The following SCEL variants were observed in gnomAD, a reference collection of about 807,000 sequenced individuals.
The protein encoded by SCEL is sciellin.
In SCEL, 113 loss-of-function variants were observed where a neutral mutation model predicts 117.6. The ratio of observed to expected loss-of-function variants is 0.96; its 90% CI spans 0.83 to 1.12. SCEL has a LOEUF of 1.12. Among genes scored for constraint, SCEL ranks in the 50% most tolerant of loss-of-function variants. SCEL has a pLI of 0.00. For missense variants in SCEL, 785 were observed against 810.8 expected (o/e 0.97, Z 0.39); for synonymous variants, 270 against 256.2 (o/e 1.05, Z -0.51).
At position 77,617,763 on chromosome 13, in the gene SCEL, T is replaced by G. The variant is rs2089163278; in HGVS notation, c.1512-40T>G. The G allele has an allele frequency of 2.6e-6, 4 of 1,556,804 alleles. No homozygotes were observed. In the East Asian group the frequency reaches 9.0e-5, roughly 35 times the overall value. ...CCTTAATGATATTACCAAAAGAACT[T>G]CAAAATTAACCTGCTCTCATTTTAT... is the stretch of plus-strand genomic sequence containing the variant. On this transcript the variant is annotated intron_variant, in intron 25 of 32. Transcript: ENST00000349847.
intron 1 of SCEL, among the ~76,000 whole-genome samples, chr13:77,541,158 A>G (rs2083680385): frequency 6.6e-6 from 1 of 152,188 alleles, no homozygotes; most frequent in Admixed American, 6.5e-5. Flanking sequence ...ACTAGTAAAG[A>G]TGAATGTTCC....
At chr13:77,602,342 T>TC (rs1190416359) in intron 16 of SCEL, 1 of 503,052 alleles carries the variant, frequency 2.0e-6, no homozygotes, top group African/African-American at 1.9e-5. Context: ...TGCTACATAA[T>TC]CTCTTATTCC....
rs1327013115 is a variant in SCEL, at chr13:77,569,422, T to G, written c.450T>G (p.Thr150=). ...NANTSNTIAS[T]SATTPVKKKR... ...ACACCTCCAACACCATAGCATCCAC[T>G]TCTGCTACTACTCCTGTAAAGAAGA... The change falls in exon 8 of 33, where the codon ACT becomes ACG. Residue 150 remains threonine (T), a synonymous_variant. Transcript: ENST00000349847. 1.9e-6 allele frequency: 3 copies of G among 1,613,750 alleles called. No homozygotes were observed. The African/African-American group carries it at 4.0e-5, about 22-fold the overall frequency.
chr13:77,628,577 A>G lies in SCEL; in HGVS notation c.1691+568A>G, dbSNP rs183081354. Among the ~76,000 whole-genome samples the G allele has an allele frequency of 1.3e-3, 199 of 152,266 alleles. 1 individual carries two copies. Among genetic ancestry groups the G allele is most frequent in the Non-Finnish European group, 1.3e-3 (89 of 67,980 alleles). On this transcript the variant is annotated intron_variant, in intron 28 of 32. Transcript: ENST00000349847. Reference sequence around the variant, plus strand: ...ACAGGAGCTATACTTCATTTTTGTCACAGACTGTATACTTCAGGAAAAATT... The same window carrying G: ...ACAGGAGCTATACTTCATTTTTGTCGCAGACTGTATACTTCAGGAAAAATT...
Position 77,640,786 on chromosome 13 carries a change from T to A in SCEL, c.1947+2T>A. On this transcript the variant is annotated splice_donor_variant, in intron 31 of 32. Transcript: ENST00000349847. LOFTEE classifies it high-confidence loss of function. ...TGCTGCCATTCTACTTGCTTTAAGG[T>A]AAGGATGTGTTTATTTCACTTAATT... The A allele has an allele frequency of 7.2e-7, 1 of 1,397,148 alleles. No homozygotes were observed. The highest frequency in any genetic ancestry group is 1.0e-6 in the Non-Finnish European group (1 of 991,882). 86.5% of individuals were successfully genotyped at this position (1,397,148 alleles called of 1,614,324 possible).
intron 19 of SCEL, chr13:77,606,617 T>A (rs891909811): frequency 6.6e-6 from 1 of 152,200 alleles, no homozygotes; most frequent in Non-Finnish European, 1.5e-5. Context: ...AGTGATTGCT[T>A]CTGTGGGGCT....
Position 77,593,295 on chromosome 13 carries a change from T to TGTGC in SCEL, c.693-217_693-216insGCGT, listed in dbSNP as rs796907419. On this transcript the variant is annotated intron_variant, in intron 11 of 32. Transcript: ENST00000349847. ...GTGTGTGTGTGTGTGTGTGTGTGTG[T>TGTGC]GTCTGTGTGTGTGTGTGTGTGTGTC... 8.1e-4 allele frequency among the ~76,000 whole-genome samples: 111 copies of TGTGC among 136,882 alleles called. 4 individuals are homozygous for TGTGC. Among genetic ancestry groups the TGTGC allele is most frequent in the African/African-American group, 2.2e-3 (80 of 35,884 alleles). The allele number at this position is 136,882 out of a possible 152,430, so 89.8% of individuals were successfully genotyped here.
At chr13:77,612,570 G>A (rs529886505) in intron 22 of SCEL, among the ~76,000 whole-genome samples, 19 of 143,234 alleles carry the variant, frequency 1.3e-4, no homozygotes, top group African/African-American at 3.9e-4. Context: ...ATTTTCTCTC[G>A]TGCATTGTAA....
intron 1 of SCEL, among the ~76,000 whole-genome samples, chr13:77,544,403 A>G (rs949883830): frequency 1.3e-5 from 2 of 152,222 alleles, no homozygotes; most frequent in East Asian, 1.9e-4. Flanking sequence ...GCCAAGAGGC[A>G]TTATGTCCTT....
intron 11 of SCEL, among the ~76,000 whole-genome samples, chr13:77,593,259 A>G (rs868413688): frequency 4.5e-5 from 5 of 111,162 alleles, no homozygotes; most frequent in African/African-American, 1.7e-4. Context: ...AACAGAGGGG[A>G]GTGTGTGTGT....
chr13:77,643,687 G>A (rs1486366891), intron 32 of SCEL, among the ~76,000 whole-genome samples: 1 of 152,012 alleles, frequency 6.6e-6, no homozygotes, highest in Non-Finnish European at 1.5e-5. Flanking sequence ...TGAGCTACTG[G>A]GAGACTACAT....
intron 25 of SCEL, 72 bp from the exon 26 acceptor site, chr13:77,617,731 T>C (rs2089159762): frequency 6.1e-6 from 9 of 1,478,406 alleles, no homozygotes; most frequent in South Asian, 1.2e-5. Flanking sequence ...TTCAAGCAGA[T>C]TTATAACCTT....
chr13:77,620,764 C>A (rs2089365727), intron 27 of SCEL, among the ~76,000 whole-genome samples: 3 of 149,954 alleles, frequency 2.0e-5, no homozygotes, highest in African/African-American at 7.4e-5. Flanking sequence ...ACACCAAGGC[C>A]TTTATAGTTA....
At chr13:77,607,959 C>G (rs552404636) in intron 19 of SCEL, 97 bp from the exon 20 acceptor site, 24 of 931,682 alleles carry the variant, frequency 2.6e-5, no homozygotes, top group Non-Finnish European at 3.3e-6. Context: ...AGTGTTTACA[C>G]TGCTTCTGAG....
intron 32 of SCEL, 26 bp downstream of exon 32, chr13:77,642,834 A>G (rs970788781): frequency 7.6e-7 from 1 of 1,321,704 alleles, no homozygotes; most frequent in Non-Finnish European, 1.1e-6. Context: ...TAAGCATTTA[A>G]CACTTTGGTT....
Position 77,572,174 on chromosome 13 carries a change from C to G in SCEL, c.530C>G (p.Thr177Arg), listed in dbSNP as rs563827332. The part of the protein sequence containing the change: ...PPPGYNASSS[T>R]GTRRREPGVH... ...CCAGGTTACAATGCCTCCTCGAGCA[C>G]AGGAACCAGGAGACGGTAAGGGAAA... The change falls in exon 9 of 33, where the codon ACA (threonine) becomes AGA (arginine). Residue 177 changes from threonine (T) to arginine (R), a missense_variant. Thr to Arg is a moderately conservative substitution (Grantham distance 71). Transcript: ENST00000349847. 188 of 1,611,404 alleles carry G rather than the reference C, an allele frequency of 1.2e-4. 4 individuals carry two copies. The South Asian group carries it at 2.0e-3, about 17-fold the overall frequency.
At chr13:77,559,737 C>G (rs2084866990) in intron 3 of SCEL, 67 bp from the exon 4 acceptor site, 4 of 1,429,188 alleles carry the variant, frequency 2.8e-6, no homozygotes, top group Admixed American at 1.8e-5. Context: ...GCATGTCTCT[C>G]TCATTTAGTG....
intron 27 of SCEL, among the ~76,000 whole-genome samples, chr13:77,627,595 T>G (rs2089803851): frequency 6.6e-6 from 1 of 152,108 alleles, no homozygotes; most frequent in African/African-American, 2.4e-5. Context: ...ATTATATGAA[T>G]GTATTAAATC....
intron 28 of SCEL, among the ~76,000 whole-genome samples, chr13:77,628,576 C>G (rs1013778494): frequency 2.0e-5 from 3 of 152,090 alleles, no homozygotes; most frequent in Non-Finnish European, 4.4e-5. Context: ...TCATTTTTGT[C>G]ACAGACTGTA....
Sources: gnomAD v4.1 joint callset for allele counts (sites outside exome capture counted in the v4.1 genomes callset) on GRCh38, gnomAD v4.1.1 for gene constraint, MANE v1.5 for transcripts, NCBI Gene and HGNC (gene_info 2026-07-23, HGNC 2026-07-21) for gene names.